PRKAR1B: variants seen among roughly 807,000 people sequenced by gnomAD.
The protein encoded by PRKAR1B is protein kinase cAMP-dependent type I regulatory subunit beta.
In PRKAR1B, 22 loss-of-function variants were observed where a neutral mutation model predicts 46.5. The ratio of observed to expected loss-of-function variants is 0.47; its 90% CI spans 0.34 to 0.68. PRKAR1B has a LOEUF of 0.68. Among genes scored for constraint, PRKAR1B ranks in the 30% least tolerant of loss-of-function variants. The probability of loss-of-function intolerance (pLI) is 0.01; values close to 1 mark genes in which losing one functional copy is unlikely to be tolerated. For missense variants in PRKAR1B, 445 were observed against 535.6 expected (o/e 0.83, Z 1.67); for synonymous variants, 259 against 217.7 (o/e 1.19, Z -1.67).
At chr7:620,054 G>A (rs1193183171) in intron 4 of PRKAR1B, among the ~76,000 whole-genome samples, 2 of 137,894 alleles carry the variant, frequency 1.5e-5, no homozygotes, top group Non-Finnish European at 3.1e-5. Context: ...GGGTTTCTCT[G>A]TGTTGCCCAG....
At chr7:636,750 T>C (rs1784131638) in intron 4 of PRKAR1B, among the ~76,000 whole-genome samples, 1 of 152,224 alleles carries the variant, frequency 6.6e-6, no homozygotes, top group Admixed American at 6.5e-5. Context: ...CGGCGGGACC[T>C]GACGGGTCGG....
chr7:636,915 G>T (rs1259304233), intron 4 of PRKAR1B, among the ~76,000 whole-genome samples: 1 of 152,180 alleles, frequency 6.6e-6, no homozygotes, highest in African/African-American at 2.4e-5. Context: ...GGGAAAGAAC[G>T]GCCGTGAGGG....
intron 2 of PRKAR1B, among the ~76,000 whole-genome samples, chr7:702,935 T>G (rs1780140275): frequency 6.6e-6 from 1 of 151,930 alleles, no homozygotes; most frequent in South Asian, 2.1e-4. Flanking sequence ...AACAGTATTT[T>G]CTTTTTAAAA....
intron 9 of PRKAR1B, among the ~76,000 whole-genome samples, chr7:570,375 G>A (rs973363222): frequency 2.6e-5 from 4 of 152,162 alleles, no homozygotes; most frequent in Non-Finnish European, 5.9e-5. Flanking sequence ...CAAGGAGCTC[G>A]GGGGGCCTGG....
chr7:566,155 T>TCA (rs1363074086), intron 9 of PRKAR1B, among the ~76,000 whole-genome samples: 823 of 67,730 alleles, frequency 0.012, 2 homozygotes, highest in Middle Eastern at 0.028. Context: ...ATCATTACCA[T>TCA]TACCATCATC....
At chr7:677,356 C>A (rs1778391127) in intron 3 of PRKAR1B, 36 bp from the exon 4 acceptor site, 2 of 1,592,080 alleles carry the variant, frequency 1.3e-6, no homozygotes, top group East Asian at 4.5e-5. Flanking sequence ...TGTGAGCCAC[C>A]CTGGCCTGAT....
At chr7:611,492 A>C (rs1311369136) in intron 4 of PRKAR1B, among the ~76,000 whole-genome samples, 2 of 152,194 alleles carry the variant, frequency 1.3e-5, no homozygotes, top group African/African-American at 4.8e-5. Context: ...CAGAGATCAC[A>C]AACCTTTTGA....
intron 4 of PRKAR1B, among the ~76,000 whole-genome samples, chr7:617,906 C>A (rs778479043): frequency 1.3e-5 from 2 of 152,196 alleles, no homozygotes; most frequent in Non-Finnish European, 2.9e-5. Context: ...CACCCCGCCC[C>A]TGCACAGACA....
At chr7:558,369 A>T (rs1157401716) in intron 9 of PRKAR1B, among the ~76,000 whole-genome samples, 1 of 148,630 alleles carries the variant, frequency 6.7e-6, no homozygotes, top group Non-Finnish European at 1.5e-5. Flanking sequence ...AAGGAGGAGG[A>T]GGAGGAGAAG....
chr7:581,251 C>T (rs1053547348), intron 8 of PRKAR1B, among the ~76,000 whole-genome samples: 2 of 148,068 alleles, frequency 1.4e-5, no homozygotes, highest in South Asian at 2.1e-4. Flanking sequence ...TGCAGTGAGC[C>T]GAGATAGCAC....
At chr7:674,059 G>A (rs1461518030) in intron 4 of PRKAR1B, among the ~76,000 whole-genome samples, 1 of 152,188 alleles carries the variant, frequency 6.6e-6, no homozygotes, top group African/African-American at 2.4e-5. Context: ...GAAACCCAGG[G>A]CCACCCGCCC....
At chr7:628,517 G>A (rs1267886310) in intron 4 of PRKAR1B, among the ~76,000 whole-genome samples, 1 of 152,254 alleles carries the variant, frequency 6.6e-6, no homozygotes, top group Admixed American at 6.5e-5. Flanking sequence ...TGCCGGGCTG[G>A]AGCTCCTCCC....
chr7:611,367 AGGCGT>A (rs1416420935), intron 4 of PRKAR1B, among the ~76,000 whole-genome samples: 1 of 152,218 alleles, frequency 6.6e-6, no homozygotes, highest in Admixed American at 6.5e-5. Flanking sequence ...CTCTCTGGGC[AGGCGT>A]CCAGTAAGGA....
At chr7:650,110 G>A (rs923823837) in intron 4 of PRKAR1B, among the ~76,000 whole-genome samples, 2 of 151,688 alleles carry the variant, frequency 1.3e-5, no homozygotes, top group African/African-American at 4.8e-5. Context: ...CAGCCATCAT[G>A]CCCAGCCTGT....
chr7:699,052 G>C (rs568133877), intron 2 of PRKAR1B, among the ~76,000 whole-genome samples: 35 of 152,322 alleles, frequency 2.3e-4, no homozygotes, highest in Admixed American at 2.2e-3. Flanking sequence ...GAAAGAAGCA[G>C]AAGGGGGGGT....
At chr7:583,118 G>A (rs1780295193) in intron 8 of PRKAR1B, among the ~76,000 whole-genome samples, 1 of 152,110 alleles carries the variant, frequency 6.6e-6, no homozygotes, top group Non-Finnish European at 1.5e-5. Context: ...TGAGGACGGG[G>A]CTCTGGGATG....
intron 4 of PRKAR1B, among the ~76,000 whole-genome samples, chr7:622,491 C>T (rs987927356): frequency 1.1e-4 from 17 of 152,156 alleles, no homozygotes; most frequent in Non-Finnish European, 1.8e-4. Flanking sequence ...GGATCGTATC[C>T]AGTAATAAAG....
intron 8 of PRKAR1B, among the ~76,000 whole-genome samples, chr7:582,166 G>A (rs1015391319): frequency 8.1e-6 from 1 of 124,056 alleles, no homozygotes; most frequent in Non-Finnish European, 1.8e-5. Context: ...CCTGCCCAGG[G>A]GGGAACCCAT....
chr7:712,099 C>G (rs1460258785), intron 1 of PRKAR1B, among the ~76,000 whole-genome samples: 1 of 151,678 alleles, frequency 6.6e-6, no homozygotes, highest in Non-Finnish European at 1.5e-5. Flanking sequence ...GCGGCGGCCG[C>G]GCAGCGAAGT....
Sources: allele counts gnomAD v4.1 joint callset (sites outside exome capture counted in the v4.1 genomes callset), GRCh38; gene constraint gnomAD v4.1.1; transcripts MANE v1.5; gene names NCBI Gene and HGNC (gene_info 2026-07-23, HGNC 2026-07-21).